ACTR3: variants seen among roughly 807,000 people sequenced by gnomAD.
ACTR3 encodes actin-related protein 3.
Under a neutral mutation model 56.8 loss-of-function variants are expected in ACTR3, and 12 were observed. That is an observed-to-expected ratio of 0.21 (90% confidence interval 0.14 to 0.34). The LOEUF (loss-of-function observed/expected upper bound fraction) is 0.34, where lower values mean the gene tolerates loss of function less well. ACTR3 is among the 10% of genes least tolerant of loss of function. The pLI is 1.00. For synonymous variants in ACTR3, 162 were observed against 167.4 expected (o/e 0.97, Z 0.25); for missense variants, 282 against 512.5 (o/e 0.55, Z 4.34).
chr2:113,949,762 T>A (rs1680088780), intron 8 of ACTR3, among the ~76,000 whole-genome samples: 1 of 152,146 alleles, frequency 6.6e-6, no homozygotes, highest in Non-Finnish European at 1.5e-5. Context: ...AGGGTCTCGC[T>A]ATGTTGCCCA....
chr2:113,934,583 G>A (rs79804644), intron 6 of ACTR3, 197 bp downstream of exon 6: 11,643 of 368,536 alleles, frequency 0.032, 761 homozygotes, highest in East Asian at 0.24. Context: ...CTGTAGGTTT[G>A]TACTGCAATT....
At chr2:113,918,519 G>A (rs2104597877) in intron 3 of ACTR3, among the ~76,000 whole-genome samples, 1 of 151,816 alleles carries the variant, frequency 6.6e-6, no homozygotes. Flanking sequence ...CAAGTAGCTT[G>A]GAATACAGAT....
intron 1 of ACTR3, among the ~76,000 whole-genome samples, chr2:113,900,331 G>T (rs9308687): frequency 5.3e-4 from 81 of 152,164 alleles, no homozygotes; most frequent in African/African-American, 1.8e-3. Context: ...TTTACTTTCT[G>T]TCTTTATGGA....
chr2:113,907,222 G>T (rs1679211565), intron 1 of ACTR3, among the ~76,000 whole-genome samples: 1 of 152,142 alleles, frequency 6.6e-6, no homozygotes, highest in African/African-American at 2.4e-5. Context: ...ACTTAGAGCA[G>T]GGGAGAAGGT....
chr2:113,937,373 T>G (rs1167043368), intron 6 of ACTR3, among the ~76,000 whole-genome samples: 1 of 152,214 alleles, frequency 6.6e-6, no homozygotes, highest in Non-Finnish European at 1.5e-5. Flanking sequence ...CCCAAAGTCC[T>G]GGGATTACAG....
chr2:113,960,001 C>CT lies in ACTR3; in HGVS notation c.*2549dup, dbSNP rs1166281607. On this transcript the variant is annotated 3_prime_UTR_variant, in exon 12 of 12. Coordinates refer to ENST00000263238, the MANE Select transcript of ACTR3 (RefSeq NM_005721.5). The stretch of plus-strand genomic sequence containing the variant: ...ATTATACTGGATTATCCTGCAATTT[C>CT]TTTGAGTTGTTAGAATATAATGTAG... 1 of 151,908 alleles carries CT rather than the reference C, an allele frequency of 6.6e-6. No individual in the cohort carries two copies. The highest frequency in any genetic ancestry group is 2.4e-5 in the African/African-American group (1 of 41,408). 9.4% of individuals were successfully genotyped at this position (151,908 alleles called of 1,614,324 possible). A position where few individuals can be genotyped will look rare whatever the true frequency, so the allele number is the denominator to read the frequency against.
At chr2:113,928,706 T>C (rs984739723) in intron 4 of ACTR3, among the ~76,000 whole-genome samples, 8 of 150,740 alleles carry the variant, frequency 5.3e-5, no homozygotes, top group Non-Finnish European at 1.0e-4. Context: ...CCAATAAATT[T>C]TTTTTTTTTA....
chr2:113,926,978 A>G (rs1001881985), intron 3 of ACTR3, among the ~76,000 whole-genome samples: 1 of 152,252 alleles, frequency 6.6e-6, no homozygotes, highest in Non-Finnish European at 1.5e-5. Flanking sequence ...TGCATTAAAA[A>G]TTAAGGAAAT....
At chr2:113,896,057 A>G (rs1679002302) in intron 1 of ACTR3, among the ~76,000 whole-genome samples, 1 of 152,138 alleles carries the variant, frequency 6.6e-6, no homozygotes. Flanking sequence ...ATGGGGTCTC[A>G]CTGTGTTGCC....
chr2:113,931,943 T>C (rs964074765), intron 5 of ACTR3, among the ~76,000 whole-genome samples: 7 of 151,878 alleles, frequency 4.6e-5, no homozygotes, highest in African/African-American at 1.7e-4. Context: ...ACACAAATGC[T>C]TTATATGTGT....
chr2:113,945,534 T>C (rs1216603435), intron 8 of ACTR3, among the ~76,000 whole-genome samples: 2 of 152,230 alleles, frequency 1.3e-5, no homozygotes, highest in Non-Finnish European at 2.9e-5. Context: ...ATTTATAGTA[T>C]TATACCTGAG....
At chr2:113,912,557 TCTC>T (rs539275994) in intron 1 of ACTR3, among the ~76,000 whole-genome samples, 3 of 152,300 alleles carry the variant, frequency 2.0e-5, no homozygotes, top group East Asian at 1.9e-4. Flanking sequence ...TGAAAACAAA[TCTC>T]CTTCTCATTT....
At chr2:113,934,469 A>G (rs1679788183) in intron 6 of ACTR3, 83 bp downstream of exon 6, 1 of 904,884 alleles carries the variant, frequency 1.1e-6, no homozygotes, top group Non-Finnish European at 1.6e-6. Flanking sequence ...TGTTACTTTT[A>G]AAAAACTTTA....
chr2:113,944,153 G>A (rs1023617100), intron 8 of ACTR3, among the ~76,000 whole-genome samples: 13 of 152,154 alleles, frequency 8.5e-5, no homozygotes, highest in Non-Finnish European at 1.3e-4. Flanking sequence ...GATGATCATA[G>A]GGGAGGCGTT....
intron 1 of ACTR3, among the ~76,000 whole-genome samples, chr2:113,896,745 T>C (rs1222355169): frequency 2.6e-5 from 4 of 152,266 alleles, no homozygotes; most frequent in Non-Finnish European, 4.4e-5. Flanking sequence ...ATATGTGATC[T>C]AGCTTCTTGA....
intron 3 of ACTR3, among the ~76,000 whole-genome samples, chr2:113,922,604 A>AG: frequency 6.8e-6 from 1 of 147,936 alleles, no homozygotes; most frequent in Non-Finnish European, 1.5e-5. Flanking sequence ...AGGCAAGGTT[A>AG]GGTCCATTTG....
chr2:113,909,489 A>G (rs1202914994), intron 1 of ACTR3, among the ~76,000 whole-genome samples: 4 of 152,320 alleles, frequency 2.6e-5, no homozygotes, highest in Admixed American at 1.3e-4. Flanking sequence ...ATTTACACAC[A>G]TAAAAATATG....
At chr2:113,920,664 C>T (rs985405856) in intron 3 of ACTR3, among the ~76,000 whole-genome samples, 1 of 152,142 alleles carries the variant, frequency 6.6e-6, no homozygotes, top group African/African-American at 2.4e-5. Flanking sequence ...CCTTTCCAGC[C>T]TCTAGTAACC....
At chr2:113,918,510 A>G (rs1679449228) in intron 3 of ACTR3, among the ~76,000 whole-genome samples, 1 of 151,530 alleles carries the variant, frequency 6.6e-6, no homozygotes, top group Non-Finnish European at 1.5e-5. Context: ...TCAGCCTCCC[A>G]AGTAGCTTGG....
Sources: allele counts gnomAD v4.1 joint callset (sites outside exome capture counted in the v4.1 genomes callset), GRCh38; gene constraint gnomAD v4.1.1; transcripts MANE v1.5; gene names NCBI Gene and HGNC (gene_info 2026-07-23, HGNC 2026-07-21).